Variants in RSRC1 observed in about 807,000 individuals in gnomAD.
RSRC1 encodes serine/Arginine-related protein 53.
Under a neutral mutation model 49.1 loss-of-function variants are expected in RSRC1, and 39 were observed. The ratio of observed to expected loss-of-function variants is 0.79; its 90% CI spans 0.61 to 1.04. RSRC1 has a LOEUF of 1.04. Ranked by LOEUF, RSRC1 falls within the 50% of genes least tolerant of loss-of-function variation. The pLI is 0.00. For synonymous variants in RSRC1, 143 were observed against 130.8 expected (o/e 1.09, Z -0.63); for missense variants, 388 against 402.4 (o/e 0.96, Z 0.31).
intron 4 of RSRC1, among the ~76,000 whole-genome samples, chr3:158,266,450 A>G (rs182295315): frequency 3.3e-5 from 5 of 152,296 alleles, no homozygotes; most frequent in Middle Eastern, 3.4e-3. Context: ...TTCAGAAAGT[A>G]TGCTTTGTAA....
At chr3:158,456,456 A>G (rs948817521) in intron 6 of RSRC1, among the ~76,000 whole-genome samples, 1 of 152,154 alleles carries the variant, frequency 6.6e-6, no homozygotes, top group Non-Finnish European at 1.5e-5. Context: ...ACATGAAGTA[A>G]ACACTGACAA....
At chr3:158,434,401 A>G (rs1296812975) in intron 6 of RSRC1, among the ~76,000 whole-genome samples, 1 of 151,938 alleles carries the variant, frequency 6.6e-6, no homozygotes, top group Non-Finnish European at 1.5e-5. Context: ...AAAAATGGAA[A>G]GCTATTCATC....
At chr3:158,227,727 A>G (rs2108304724) in intron 4 of RSRC1, among the ~76,000 whole-genome samples, 1 of 152,176 alleles carries the variant, frequency 6.6e-6, no homozygotes, top group South Asian at 2.1e-4. Flanking sequence ...GGGATCAGAA[A>G]CTTTGTTCTG....
At chr3:158,277,728 T>C (rs1428427164) in intron 4 of RSRC1, among the ~76,000 whole-genome samples, 1 of 152,234 alleles carries the variant, frequency 6.6e-6, no homozygotes, top group Non-Finnish European at 1.5e-5. Flanking sequence ...GAATTTTGCA[T>C]ATAAGCACCA....
chr3:158,278,797 C>T (rs1162362816), intron 4 of RSRC1, among the ~76,000 whole-genome samples: 1 of 152,118 alleles, frequency 6.6e-6, no homozygotes, highest in African/African-American at 2.4e-5. Context: ...CACTCAGAAA[C>T]TCATTTTTAT....
chr3:158,524,581 G>A (rs1711893870), intron 7 of RSRC1, among the ~76,000 whole-genome samples: 1 of 151,932 alleles, frequency 6.6e-6, no homozygotes, highest in African/African-American at 2.4e-5. Context: ...CCTCAAACTA[G>A]ATCCTGTTCA....
chr3:158,363,641 G>T (rs1731605201), intron 6 of RSRC1, among the ~76,000 whole-genome samples: 1 of 152,114 alleles, frequency 6.6e-6, no homozygotes, highest in East Asian at 1.9e-4. Context: ...ATTACAAAAT[G>T]CATAACCTTA....
intron 8 of RSRC1, among the ~76,000 whole-genome samples, 181 bp downstream of exon 8, chr3:158,537,379 A>G (rs1712773445): frequency 1.3e-5 from 2 of 151,656 alleles, no homozygotes; most frequent in Non-Finnish European, 1.5e-5. Flanking sequence ...ATACAAGTTT[A>G]ATTTGTATAA....
At chr3:158,267,858 C>CTTTTT (rs377128391) in intron 4 of RSRC1, among the ~76,000 whole-genome samples, 4,649 of 89,056 alleles carry the variant, frequency 0.052, 138 homozygotes, top group African/African-American at 0.057. Flanking sequence ...GTTTCCATAT[C>CTTTTT]TATTTTTTTT....
chr3:158,490,673 A>G (rs1578539165), intron 7 of RSRC1, among the ~76,000 whole-genome samples: 1 of 152,202 alleles, frequency 6.6e-6, no homozygotes. Flanking sequence ...TTCATAATGT[A>G]TTTACTTGGA....
intron 2 of RSRC1, among the ~76,000 whole-genome samples, chr3:158,123,126 G>T (rs527793893): frequency 1.1e-3 from 173 of 152,204 alleles, no homozygotes; most frequent in African/African-American, 4.0e-3. Context: ...GTTCTTCTCA[G>T]CCTTCCAAGT....
intron 3 of RSRC1, among the ~76,000 whole-genome samples, chr3:158,189,253 A>G (rs909091285): frequency 4.6e-5 from 7 of 152,034 alleles, no homozygotes; most frequent in Non-Finnish European, 4.4e-5. Flanking sequence ...TTTATTTTAG[A>G]AAATATTATA....
intron 9 of RSRC1, chr3:158,543,749 CTTTTT>C: frequency 3.9e-6 from 1 of 258,698 alleles, no homozygotes; most frequent in Non-Finnish European, 7.1e-6. Flanking sequence ...GCATTTTTTC[CTTTTT>C]TTTTTTTTTA....
At chr3:158,351,131 T>C (rs1261461292) in intron 5 of RSRC1, among the ~76,000 whole-genome samples, 1 of 152,218 alleles carries the variant, frequency 6.6e-6, no homozygotes, top group African/African-American at 2.4e-5. Flanking sequence ...AGGCAGCTAC[T>C]GATGCAGATA....
chr3:158,201,403 A>G (rs1721038205), intron 3 of RSRC1, among the ~76,000 whole-genome samples: 1 of 152,028 alleles, frequency 6.6e-6, no homozygotes, highest in African/African-American at 2.4e-5. Flanking sequence ...TTTGTCTTTT[A>G]TTAAATTTGG....
chr3:158,281,156 A>G (rs1726138753), intron 4 of RSRC1, among the ~76,000 whole-genome samples: 1 of 152,134 alleles, frequency 6.6e-6, no homozygotes, highest in African/African-American at 2.4e-5. Context: ...GGACTAACTG[A>G]TAGATTGTAT....
intron 7 of RSRC1, among the ~76,000 whole-genome samples, chr3:158,491,793 C>T (rs1181144158): frequency 6.6e-6 from 1 of 152,124 alleles, no homozygotes; most frequent in Non-Finnish European, 1.5e-5. Context: ...ACTTTTGACA[C>T]CTCGTGCTAT....
chr3:158,486,821 G>A (rs1738833940), intron 7 of RSRC1, among the ~76,000 whole-genome samples: 1 of 152,040 alleles, frequency 6.6e-6, no homozygotes, highest in Non-Finnish European at 1.5e-5. Flanking sequence ...CTTCCTCAAG[G>A]TCCTACAGCT....
intron 3 of RSRC1, among the ~76,000 whole-genome samples, chr3:158,175,936 A>G (rs944255081): frequency 6.6e-6 from 1 of 152,120 alleles, no homozygotes; most frequent in Non-Finnish European, 1.5e-5. Context: ...AAGCTTGTGC[A>G]TGCATCATGA....
Sources: gnomAD v4.1 joint callset for allele counts (sites outside exome capture counted in the v4.1 genomes callset) on GRCh38, gnomAD v4.1.1 for gene constraint, MANE v1.5 for transcripts, NCBI Gene and HGNC (gene_info 2026-07-23, HGNC 2026-07-21) for gene names.